Variants in UTRN observed in about 807,000 individuals in gnomAD.
UTRN encodes dystrophin-related protein 1.
UTRN carries 283 observed loss-of-function variants against 463.9 expected under a neutral mutation model. The ratio of observed to expected loss-of-function variants is 0.61; its 90% CI spans 0.55 to 0.67. UTRN has a LOEUF of 0.67. Ranked by LOEUF, UTRN falls within the 30% of genes least tolerant of loss-of-function variation. The pLI, the probability that UTRN is intolerant of heterozygous loss-of-function variation, is 0.00. For missense variants in UTRN, 3,922 were observed against 4,084.3 expected (o/e 0.96, Z 1.08); for synonymous variants, 1,442 against 1,431.5 (o/e 1.01, Z -0.17).
rs117608719 is a variant in UTRN at position 144,631,216 on chromosome 6, T to A, written c.7480-47190T>A. The stretch of plus-strand genomic sequence containing the variant: ...GAGAGAGAGAGAAAGAGAGAGTGAG[T>A]GTGTGTGTGTGAGAGAGAGAGGTGT... On this transcript the variant is annotated intron_variant, in intron 51 of 74. Transcript: ENST00000367545. 2.2e-3 allele frequency among the ~76,000 whole-genome samples: 315 copies of A among 142,256 alleles called. 8 individuals are homozygous for A. In the East Asian group the frequency reaches 0.052, roughly 23 times the overall value. 93.3% of individuals were successfully genotyped at this position (142,256 alleles called of 152,430 possible). A position where few individuals can be genotyped will look rare whatever the true frequency, so the allele number is the denominator to read the frequency against.
At chr6:144,719,039 A>G (rs1786812911) in intron 53 of UTRN, among the ~76,000 whole-genome samples, 1 of 152,176 alleles carries the variant, frequency 6.6e-6, no homozygotes, top group African/African-American at 2.4e-5. Flanking sequence ...AATGTCTTCT[A>G]TGGGGGCTGG....
chr6:144,802,488 T>C (rs1022944672), intron 64 of UTRN, among the ~76,000 whole-genome samples: 2 of 152,208 alleles, frequency 1.3e-5, no homozygotes, highest in African/African-American at 4.8e-5. Flanking sequence ...CTCAGACCCA[T>C]AGAAACTTAT....
At chr6:144,795,030 C>T (rs556447936) in intron 63 of UTRN, among the ~76,000 whole-genome samples, 1 of 152,132 alleles carries the variant, frequency 6.6e-6, no homozygotes, top group Non-Finnish European at 1.5e-5. Flanking sequence ...TAGTCCCCCA[C>T]CCACTGACAG....
At chr6:144,541,048 C>G (rs1028033809) in intron 45 of UTRN, among the ~76,000 whole-genome samples, 1 of 152,200 alleles carries the variant, frequency 6.6e-6, no homozygotes, top group African/African-American at 2.4e-5. Flanking sequence ...AAAGGCTGCC[C>G]CACTCATCTC....
intron 2 of UTRN, among the ~76,000 whole-genome samples, chr6:144,300,440 C>G (rs1805135238): frequency 6.6e-6 from 1 of 152,174 alleles, no homozygotes; most frequent in African/African-American, 2.4e-5. Flanking sequence ...AGTCAAATAA[C>G]AAACCCCAAA....
At position 144,647,008 on chromosome 6, in the gene UTRN, A is replaced by G. The variant is rs572631088; in HGVS notation, c.7480-31398A>G. On this transcript the variant is annotated intron_variant, in intron 51 of 74. Coordinates refer to ENST00000367545, the MANE Select transcript of UTRN (RefSeq NM_007124.3). ...CTTGCTATGCTATTTTGTCCAGCCAATCTCTCATCCTCCCTTCATCCTAAT... is the reference window on the plus strand; with the variant it reads ...CTTGCTATGCTATTTTGTCCAGCCAGTCTCTCATCCTCCCTTCATCCTAAT... 5.9e-5 allele frequency among the ~76,000 whole-genome samples: 9 copies of G among 152,272 alleles called. No individual in the cohort carries two copies. In the South Asian group the frequency reaches 1.7e-3, roughly 28 times the overall value.
At chr6:144,490,016 T>C in intron 30 of UTRN, 55 bp from the exon 31 acceptor site, 1 of 1,577,960 alleles carries the variant, frequency 6.3e-7, no homozygotes, top group East Asian at 2.3e-5. Context: ...TTGTCTCTTT[T>C]TATACTTAAG....
intron 51 of UTRN, among the ~76,000 whole-genome samples, chr6:144,599,987 A>G (rs1252818409): frequency 1.3e-5 from 2 of 152,084 alleles, no homozygotes; most frequent in Non-Finnish European, 2.9e-5. Flanking sequence ...CATTATTATT[A>G]TATATTATTT....
rs1782454844 is a variant in UTRN, at chr6:144,851,103, C to T, written c.*106C>T. On this transcript the variant is annotated 3_prime_UTR_variant, in exon 75 of 75. Coordinates refer to ENST00000367545, the MANE Select transcript of UTRN (RefSeq NM_007124.3). Reference sequence around the variant, plus strand: ...TCAGAAGCTCCATGGCTCCTTGGCCCACGATGTTGAGTGCTGACTGTGTGT... The same window carrying T: ...TCAGAAGCTCCATGGCTCCTTGGCCTACGATGTTGAGTGCTGACTGTGTGT... 1.4e-6 allele frequency: 2 copies of T among 1,455,228 alleles called. No individual in the cohort carries two copies. The highest frequency in any genetic ancestry group is 1.9e-6 in the Non-Finnish European group (2 of 1,035,818). The allele number at this position is 1,455,228 out of a possible 1,614,324, so 90.1% of individuals were successfully genotyped here.
At chr6:144,480,008 C>T in intron 26 of UTRN, 26 bp downstream of exon 26, 1 of 1,606,518 alleles carries the variant, frequency 6.2e-7, no homozygotes, top group Non-Finnish European at 8.5e-7. Flanking sequence ...CCAGTGCCAA[C>T]AGGCTTCATG....
chr6:144,547,473 T>C (rs886625360), intron 46 of UTRN, among the ~76,000 whole-genome samples: 1 of 152,222 alleles, frequency 6.6e-6, no homozygotes, highest in African/African-American at 2.4e-5. Context: ...ACTAACAATT[T>C]TGTTTTTCAT....
intron 74 of UTRN, 112 bp from the exon 75 acceptor site, chr6:144,850,877 A>AGAG: frequency 7.0e-7 from 1 of 1,428,460 alleles, no homozygotes; most frequent in Non-Finnish European, 9.9e-7. Context: ...AAGTCACAGT[A>AGAG]GAGTTAAGAC....
In UTRN at chr6:144,531,119, A is replaced by G. The variant is rs1418217807; in HGVS notation, c.5974A>G (p.Ile1992Val). 3 of 1,613,910 alleles carry G rather than the reference A, an allele frequency of 1.9e-6. No individual in the cohort carries two copies. Among genetic ancestry groups the G allele is most frequent in the Non-Finnish European group, 2.5e-6 (3 of 1,180,002 alleles). The change falls in exon 42 of 75, where the codon ATA becomes GTA. Residue 1992 changes from isoleucine to valine, a missense_variant. Transcript: ENST00000367545. Reference protein sequence around the residue: ...HCDLNDLTQWITEAEELLVDT... With the variant: ...HCDLNDLTQWVTEAEELLVDT... ...TGACCTTAATGACCTCACACAGTGG[A>G]TAACAGAGGCTGAAGAATTACTGGT...
chr6:144,375,636 T>C (rs977708374), intron 2 of UTRN, among the ~76,000 whole-genome samples: 4 of 152,238 alleles, frequency 2.6e-5, no homozygotes, highest in African/African-American at 9.6e-5. Flanking sequence ...TGTTTGCTTT[T>C]GCCTGGCTAC....
intron 69 of UTRN, among the ~76,000 whole-genome samples, chr6:144,833,876 A>C (rs1780881901): frequency 6.6e-6 from 1 of 152,152 alleles, no homozygotes. Flanking sequence ...AAATATACAC[A>C]TACACAGACC....
chr6:144,579,274 G>A (rs1801732523), intron 51 of UTRN, among the ~76,000 whole-genome samples: 1 of 152,144 alleles, frequency 6.6e-6, no homozygotes. Flanking sequence ...CTGTATTTTA[G>A]GAGGTCATAG....
intron 66 of UTRN, among the ~76,000 whole-genome samples, chr6:144,824,125 A>C (rs1779831450): frequency 6.6e-6 from 1 of 152,106 alleles, no homozygotes; most frequent in African/African-American, 2.4e-5. Flanking sequence ...CTGGGGTGGA[A>C]AACTATCAAC....
intron 28 of UTRN, among the ~76,000 whole-genome samples, chr6:144,485,987 C>T (rs1002999622): frequency 6.6e-6 from 1 of 152,180 alleles, no homozygotes; most frequent in African/African-American, 2.4e-5. Flanking sequence ...TGTCTTCAAG[C>T]CTGGATTTGA....
At chr6:144,347,645 T>C (rs748585603) in intron 2 of UTRN, among the ~76,000 whole-genome samples, 1 of 152,058 alleles carries the variant, frequency 6.6e-6, no homozygotes, top group Non-Finnish European at 1.5e-5. Context: ...AGGTGGCTGA[T>C]CTGGGGGAAT....
Sources: gnomAD v4.1 joint callset for allele counts (sites outside exome capture counted in the v4.1 genomes callset) on GRCh38, gnomAD v4.1.1 for gene constraint, MANE v1.5 for transcripts, NCBI Gene and HGNC (gene_info 2026-07-23, HGNC 2026-07-21) for gene names.